GPC6: variants seen among roughly 807,000 people sequenced by gnomAD.
GPC6 encodes the protein glypican-6.
A neutral mutation model predicts 55.2 loss-of-function variants in GPC6; 14 were observed. The observed-to-expected ratio is 0.25, with a 90% confidence interval of 0.17 to 0.40. GPC6 has a LOEUF of 0.40. Among genes scored for constraint, GPC6 ranks in the 10% least tolerant of loss-of-function variants. The probability of loss-of-function intolerance (pLI) is 1.00; values close to 1 mark genes in which losing one functional copy is unlikely to be tolerated. For synonymous variants in GPC6, 278 were observed against 259.6 expected, an observed-to-expected ratio of 1.07 and a Z score of -0.68; for missense variants, 641 against 708.5, an observed-to-expected ratio of 0.90 and a Z score of 1.08.
intron 1 of GPC6, among the ~76,000 whole-genome samples, chr13:93,404,292 A>T (rs544543883): frequency 6.6e-6 from 1 of 152,300 alleles, no homozygotes; most frequent in African/African-American, 2.4e-5. Context: ...GCAAACAAAC[A>T]AAACTATAGC....
chr13:93,316,089 G>T (rs1879237735), intron 1 of GPC6, among the ~76,000 whole-genome samples: 1 of 151,962 alleles, frequency 6.6e-6, no homozygotes, highest in South Asian at 2.1e-4. Flanking sequence ...CTATAACCAG[G>T]TTTATCTTCT....
intron 4 of GPC6, among the ~76,000 whole-genome samples, chr13:94,034,380 A>T (rs1051012396): frequency 1.3e-5 from 2 of 152,158 alleles, no homozygotes; most frequent in African/African-American, 2.4e-5. Flanking sequence ...ATGTGATACA[A>T]TAGGGTTAAT....
chr13:93,510,894 G>A (rs1479485520), intron 1 of GPC6, among the ~76,000 whole-genome samples: 3 of 145,004 alleles, frequency 2.1e-5, no homozygotes, highest in Admixed American at 7.2e-5. Context: ...GATCATAAGT[G>A]ATGTTGAGCA....
At chr13:93,457,061 T>A (rs1878481233) in intron 1 of GPC6, among the ~76,000 whole-genome samples, 1 of 152,190 alleles carries the variant, frequency 6.6e-6, no homozygotes, top group Non-Finnish European at 1.5e-5. Context: ...TGCCACCCTG[T>A]GAAGAGGCAC....
chr13:94,173,387 G>A (rs999881302), intron 4 of GPC6, among the ~76,000 whole-genome samples: 3 of 152,142 alleles, frequency 2.0e-5, no homozygotes, highest in East Asian at 1.9e-4. Context: ...TGGTTAGGAC[G>A]TGTACAGATG....
At chr13:93,807,371 A>G (rs1886571819) in intron 2 of GPC6, among the ~76,000 whole-genome samples, 1 of 152,230 alleles carries the variant, frequency 6.6e-6, no homozygotes, top group Non-Finnish European at 1.5e-5. Context: ...TTGTGGACAA[A>G]TTCAGAAGGT....
chr13:93,985,589 G>A (rs1193315478), intron 3 of GPC6, among the ~76,000 whole-genome samples: 2 of 146,954 alleles, frequency 1.4e-5, no homozygotes, highest in Admixed American at 7.0e-5. Context: ...CTACTCAGGA[G>A]GATGAGGTGG....
chr13:93,868,938 G>A (rs932009762), intron 3 of GPC6, among the ~76,000 whole-genome samples: 5 of 151,818 alleles, frequency 3.3e-5, no homozygotes, highest in Admixed American at 6.6e-5. Flanking sequence ...GAGGAGAGAA[G>A]TTCGGAACTG....
chr13:93,804,026 G>A (rs562878700), intron 2 of GPC6, among the ~76,000 whole-genome samples: 259 of 152,154 alleles, frequency 1.7e-3, no homozygotes, highest in Non-Finnish European at 2.8e-3. Flanking sequence ...ATGAATAGGT[G>A]AATATATTAA....
intron 4 of GPC6, among the ~76,000 whole-genome samples, chr13:94,081,265 T>C (rs1885086556): frequency 6.6e-6 from 1 of 152,236 alleles, no homozygotes; most frequent in African/African-American, 2.4e-5. Context: ...TATCAAACCA[T>C]GTTTCCAGCA....
chr13:94,251,611 G>A (rs955102382), intron 4 of GPC6, among the ~76,000 whole-genome samples: 8 of 151,966 alleles, frequency 5.3e-5, no homozygotes, highest in African/African-American at 1.2e-4. Context: ...GATTAATTAA[G>A]GGTGCCGTTG....
At chr13:93,826,321 T>C (rs1454378067) in intron 2 of GPC6, among the ~76,000 whole-genome samples, 1 of 152,048 alleles carries the variant, frequency 6.6e-6, no homozygotes, top group East Asian at 1.9e-4. Flanking sequence ...ACATACACAA[T>C]TGCATACACA....
intron 1 of GPC6, among the ~76,000 whole-genome samples, chr13:93,325,930 T>C (rs981955044): frequency 1.3e-5 from 2 of 152,158 alleles, no homozygotes; most frequent in African/African-American, 4.8e-5. Flanking sequence ...CTTTTATTCA[T>C]TCAACAGATG....
At chr13:93,272,814 T>G (rs1877582639) in intron 1 of GPC6, among the ~76,000 whole-genome samples, 1 of 152,178 alleles carries the variant, frequency 6.6e-6, no homozygotes, top group Non-Finnish European at 1.5e-5. Flanking sequence ...ATCCATTGAC[T>G]TATCCAACTT....
chr13:93,975,165 T>C (rs1377432027), intron 3 of GPC6, among the ~76,000 whole-genome samples: 1 of 152,206 alleles, frequency 6.6e-6, no homozygotes, highest in Admixed American at 6.6e-5. Flanking sequence ...CATGCAAGAC[T>C]ATGAGGATCA....
intron 4 of GPC6, among the ~76,000 whole-genome samples, chr13:94,109,409 A>T (rs1886163125): frequency 6.6e-6 from 1 of 151,794 alleles, no homozygotes; most frequent in Non-Finnish European, 1.5e-5. Flanking sequence ...TCCTCACTAG[A>T]TGGTATATTT....
chr13:93,547,734 A>G (rs890787924), intron 2 of GPC6, among the ~76,000 whole-genome samples: 1 of 152,248 alleles, frequency 6.6e-6, no homozygotes, highest in South Asian at 2.1e-4. Context: ...GAAAAAAAAA[A>G]AGAGAATCTA....
chr13:94,246,758 A>C (rs1300996137), intron 4 of GPC6, among the ~76,000 whole-genome samples: 2 of 152,084 alleles, frequency 1.3e-5, no homozygotes, highest in East Asian at 3.9e-4. Flanking sequence ...TTTCATTACT[A>C]TAGCTTTGTA....
intron 2 of GPC6, among the ~76,000 whole-genome samples, chr13:93,735,342 G>A (rs1459190726): frequency 1.3e-5 from 2 of 152,010 alleles, no homozygotes; most frequent in Admixed American, 1.3e-4. Flanking sequence ...AGACCAGCCT[G>A]GCCAACATAG....
Sources: allele counts gnomAD v4.1 joint callset (sites outside exome capture counted in the v4.1 genomes callset), GRCh38; gene constraint gnomAD v4.1.1; transcripts MANE v1.5; gene names NCBI Gene and HGNC (gene_info 2026-07-23, HGNC 2026-07-21).